The following GPD2 variants were observed in gnomAD, a reference collection of about 807,000 sequenced individuals.
GPD2 encodes the protein glycerol-3-phosphate dehydrogenase 2, also known as glycerol-3-phosphate dehydrogenase, mitochondrial.
In GPD2, 54 loss-of-function variants were observed where a neutral mutation model predicts 82.4. The ratio of observed to expected loss-of-function variants is 0.66; its 90% confidence interval spans 0.53 to 0.82. The LOEUF (loss-of-function observed/expected upper bound fraction) is 0.82. Among genes scored for constraint, GPD2 ranks in the 40% least tolerant of loss-of-function variants. The pLI is 0.00. For synonymous variants in GPD2, 288 were observed against 306.1 expected (o/e 0.94, Z 0.62); for missense variants, 748 against 896.2 (o/e 0.83, Z 2.11).
At chr2:156,508,200 C>T (rs926285665) in intron 3 of GPD2, among the ~76,000 whole-genome samples, 7 of 152,046 alleles carry the variant, frequency 4.6e-5, no homozygotes, top group South Asian at 2.1e-4. Context: ...TCTAATAACT[C>T]GCATGGTTGT....
intron 6 of GPD2, among the ~76,000 whole-genome samples, chr2:156,526,601 T>C (rs200515956): frequency 3.3e-5 from 5 of 152,016 alleles, no homozygotes; most frequent in African/African-American, 9.7e-5. Context: ...TAATTAATTG[T>C]AGTTTAAGAT....
At chr2:156,401,268 G>C in the GPD2 span, among the ~76,000 whole-genome samples, 1 of 152,052 alleles carries the variant, frequency 6.6e-6, no homozygotes, top group African/African-American at 2.4e-5. Context: ...TTACACCCTG[G>C]TAATTCTCTA....
At chr2:156,428,112 G>A in the GPD2 span, among the ~76,000 whole-genome samples, 1 of 152,122 alleles carries the variant, frequency 6.6e-6, no homozygotes, top group Non-Finnish European at 1.5e-5. Flanking sequence ...GGCCCAATAA[G>A]GTAAAATTGA....
chr2:156,498,332 T>C (rs1558929184), intron 3 of GPD2, among the ~76,000 whole-genome samples: 2 of 152,266 alleles, frequency 1.3e-5, no homozygotes, highest in African/African-American at 2.4e-5. Flanking sequence ...GTGAGCCTTT[T>C]AAAAGGCTCA....
At chr2:156,482,076 A>C (rs1052991839) in intron 2 of GPD2, among the ~76,000 whole-genome samples, 1 of 152,192 alleles carries the variant, frequency 6.6e-6, no homozygotes, top group Non-Finnish European at 1.5e-5. Flanking sequence ...AAAAAGTGTT[A>C]CCTCTTATGA....
chr2:156,556,033 A>G (rs1435350866), intron 8 of GPD2, among the ~76,000 whole-genome samples: 1 of 152,222 alleles, frequency 6.6e-6, no homozygotes, highest in Non-Finnish European at 1.5e-5. Context: ...AAGAAGATAC[A>G]TTAGTTAAGC....
At chr2:156,410,591 G>C in the GPD2 span, among the ~76,000 whole-genome samples, 37 of 152,102 alleles carry the variant, frequency 2.4e-4, no homozygotes, top group Non-Finnish European at 4.4e-4. Context: ...GGTTGATCTT[G>C]AACTCCTAGA....
chr2:156,462,453 A>ATTTTTTTTTTT (rs35159143), intron 1 of GPD2, among the ~76,000 whole-genome samples: 4 of 118,182 alleles, frequency 3.4e-5, no homozygotes, highest in Non-Finnish European at 3.5e-5. Context: ...ACCCGGATAC[A>ATTTTTTTTTTT]TTTTTTTTTT....
At chr2:156,559,160 T>C (rs1035635416) in intron 9 of GPD2, among the ~76,000 whole-genome samples, 4 of 152,138 alleles carry the variant, frequency 2.6e-5, no homozygotes, top group African/African-American at 9.7e-5. Flanking sequence ...TGTATTCCTG[T>C]GGGATGTTGG....
intron 1 of GPD2, among the ~76,000 whole-genome samples, chr2:156,462,453 ATTTTTTTTTT>A (rs35159143): frequency 8.5e-6 from 1 of 118,186 alleles, no homozygotes. Context: ...ACCCGGATAC[ATTTTTTTTTT>A]TTTTTTTTTT....
intron 2 of GPD2, among the ~76,000 whole-genome samples, chr2:156,487,399 C>T (rs1413567788): frequency 6.6e-6 from 1 of 152,096 alleles, no homozygotes; most frequent in Non-Finnish European, 1.5e-5. Flanking sequence ...AGGCAGATGC[C>T]CTAGGACTTC....
chr2:156,476,967 A>G (rs1351408618), intron 2 of GPD2, among the ~76,000 whole-genome samples: 1 of 152,212 alleles, frequency 6.6e-6, no homozygotes, highest in Non-Finnish European at 1.5e-5. Context: ...ATGAAGGTGA[A>G]GGAATTTGGC....
chr2:156,454,175 T>C (rs1312607152), intron 1 of GPD2, among the ~76,000 whole-genome samples: 2 of 152,102 alleles, frequency 1.3e-5, no homozygotes, highest in African/African-American at 4.8e-5. Context: ...TGACAACTCA[T>C]GTGAAATGGT....
chr2:156,523,669 T>TAG (rs1685496766), intron 6 of GPD2, among the ~76,000 whole-genome samples: 1 of 126,464 alleles, frequency 7.9e-6, no homozygotes, highest in African/African-American at 3.0e-5. Flanking sequence ...TAATTTCTTT[T>TAG]CTAGATAGAT....
chr2:156,432,125 T>G (rs1379735612), upstream of GPD2, among the ~76,000 whole-genome samples: 1 of 152,180 alleles, frequency 6.6e-6, no homozygotes, highest in Non-Finnish European at 1.5e-5. Context: ...TGACCTCAGG[T>G]GATCCTCCTG....
chr2:156,558,654 A>G (rs1404868520), intron 9 of GPD2, among the ~76,000 whole-genome samples: 2 of 151,402 alleles, frequency 1.3e-5, no homozygotes, highest in Non-Finnish European at 2.9e-5. Flanking sequence ...CTGGAGTGCA[A>G]TGGTGTGATC....
intron 1 of GPD2, among the ~76,000 whole-genome samples, chr2:156,447,416 C>T (rs1335683925): frequency 1.3e-5 from 2 of 152,068 alleles, no homozygotes; most frequent in Admixed American, 1.3e-4. Flanking sequence ...TTCATGGCAG[C>T]CTTGAACTCC....
chr2:156,504,989 T>C (rs1684732246), intron 3 of GPD2, among the ~76,000 whole-genome samples: 1 of 152,144 alleles, frequency 6.6e-6, no homozygotes, highest in Non-Finnish European at 1.5e-5. Flanking sequence ...ATTTATTATA[T>C]TGAGCATGTT....
rs1687931843 is a variant in GPD2 at position 156,579,079 on chromosome 2, G to C, written c.1881-7G>C. 1 of 1,591,140 alleles carries C rather than the reference G, an allele frequency of 6.3e-7. No homozygotes were observed. On this transcript the variant is annotated splice_region_variant and splice_polypyrimidine_tract_variant and intron_variant, in intron 14 of 16. Coordinates refer to ENST00000438166, the MANE Select transcript of GPD2 (RefSeq NM_000408.5). ...ATATTTTTCCATTATTTAATCTTGT[G>C]TTCCAGGTATAAGAAGAGATTTCAT...
Sources: allele counts gnomAD v4.1 joint callset (sites outside exome capture counted in the v4.1 genomes callset), GRCh38; gene constraint gnomAD v4.1.1; transcripts MANE v1.5; gene names NCBI Gene and HGNC (gene_info 2026-07-23, HGNC 2026-07-21).